Variants in PRKN observed in about 807,000 individuals in gnomAD.
PRKN encodes the protein E3 ubiquitin-protein ligase parkin.
A neutral mutation model predicts 59.5 loss-of-function variants in PRKN; 56 were observed. The observed-to-expected ratio is 0.94, with a 90% CI of 0.76 to 1.18. The LOEUF is 1.18. Ranked by LOEUF, PRKN falls within the 50% of genes most tolerant of loss-of-function variation. The pLI, the probability that PRKN is intolerant of heterozygous loss-of-function variation, is 0.00. For missense variants in PRKN, 657 were observed against 596.4 expected (o/e 1.10, Z -1.06); for synonymous variants, 250 against 222.1 (o/e 1.13, Z -1.12).
intron 7 of PRKN, among the ~76,000 whole-genome samples, chr6:161,679,671 A>ACCC (rs1434446086): frequency 9.3e-5 from 5 of 54,000 alleles, no homozygotes; most frequent in Non-Finnish European, 1.2e-4. Context: ...TTATAATAGA[A>ACCC]CCACCCCCCC....
intron 5 of PRKN, among the ~76,000 whole-genome samples, chr6:162,038,877 G>A (rs770722436): frequency 6.6e-5 from 10 of 152,148 alleles, no homozygotes; most frequent in South Asian, 6.2e-4. Flanking sequence ...CTTGCTGGCC[G>A]GGCGCGGTGG....
Position 161,862,590 on chromosome 6 carries a change from C to T in PRKN, c.735-76682G>A, listed in dbSNP as rs78979714. On this transcript the variant is annotated intron_variant, in intron 6 of 11. Transcript: ENST00000366898. Reference sequence around the variant, plus strand: ...CCCATGAGCTCCCCTACTGTGACCCCAGCCTGGAGTAACGGGGTAAAAAAA... The same window carrying T: ...CCCATGAGCTCCCCTACTGTGACCCTAGCCTGGAGTAACGGGGTAAAAAAA... Among the ~76,000 whole-genome samples, 807 of 152,200 alleles carry T rather than the reference C, an allele frequency of 5.3e-3. 11 individuals carry two copies. The highest frequency in any genetic ancestry group is 0.019 in the African/African-American group (780 of 41,540).
intron 6 of PRKN, among the ~76,000 whole-genome samples, chr6:161,871,673 A>G (rs1794347163): frequency 6.6e-6 from 1 of 152,166 alleles, no homozygotes; most frequent in Non-Finnish European, 1.5e-5. Context: ...TTAAAACATA[A>G]GTTGTACATG....
rs561695632 is a variant in PRKN, at chr6:161,511,614, T to A, written c.1083+37240A>T. 5.3e-5 allele frequency among the ~76,000 whole-genome samples: 8 copies of A among 152,298 alleles called. No individual in the cohort carries two copies. The South Asian group carries it at 1.7e-3, about 32-fold the overall frequency. ...TGACTGGACACGTTAGGAATTATGG[T>A]CATACTGTCACCATCTATTCAAGAA... On this transcript the variant is annotated intron_variant, in intron 9 of 11. Coordinates refer to ENST00000366898, the MANE Select transcript of PRKN (RefSeq NM_004562.3).
intron 5 of PRKN, among the ~76,000 whole-genome samples, chr6:162,021,572 A>G (rs1037582205): frequency 6.6e-6 from 1 of 151,780 alleles, no homozygotes; most frequent in African/African-American, 2.4e-5. Flanking sequence ...ACATGCTCAG[A>G]TAAGAAACAT....
rs1785054319 is a variant in PRKN, at chr6:161,363,298, A to G, written c.1168-3093T>C. Among the ~76,000 whole-genome samples the G allele has an allele frequency of 6.6e-6, 1 of 152,230 alleles. No individual in the cohort carries two copies. Among genetic ancestry groups the G allele is most frequent in the Admixed American group, 6.5e-5 (1 of 15,284 alleles). ...GTTTGTTATATTTAAATAAATAAAT[A>G]AAGGTGATGATAATGGAATAAGAGA... On this transcript the variant is annotated intron_variant, in intron 10 of 11. Transcript: ENST00000366898. This position sits in a 1 kb window ranked among gnomAD's most constrained non-coding sequence, Gnocchi z 4.1.
At chr6:161,975,846 T>C (rs1218401889) in intron 5 of PRKN, among the ~76,000 whole-genome samples, 1 of 152,150 alleles carries the variant, frequency 6.6e-6, no homozygotes, top group Non-Finnish European at 1.5e-5. Flanking sequence ...TCGCTTACCG[T>C]GTCTGAAAAT....
chr6:161,759,130 T>C lies in PRKN; in HGVS notation c.871+26642A>G, dbSNP rs191016998. On this transcript the variant is annotated intron_variant, in intron 7 of 11. Transcript: ENST00000366898. ...AGGCAGAGGTTGCAGTGAGCTGAGA[T>C]TGCACCACTGCATTCCAGCCTGGCG... 1.4e-3 allele frequency among the ~76,000 whole-genome samples: 206 copies of C among 151,784 alleles called. 1 individual carries two copies. The highest frequency in any genetic ancestry group is 4.8e-3 in the African/African-American group (199 of 41,350).
At chr6:162,441,748 C>A (rs2128166944) in intron 2 of PRKN, among the ~76,000 whole-genome samples, 1 of 152,232 alleles carries the variant, frequency 6.6e-6, no homozygotes, top group African/African-American at 2.4e-5. Context: ...AAGTGTTTGT[C>A]AAAATAGACT....
At chr6:162,207,112 C>G (rs1038729657) in intron 3 of PRKN, among the ~76,000 whole-genome samples, 1 of 152,098 alleles carries the variant, frequency 6.6e-6, no homozygotes, top group Non-Finnish European at 1.5e-5. Flanking sequence ...GTGACTCAAG[C>G]CTGTAATCCC....
At chr6:162,526,396 A>C (rs1459012233) in intron 1 of PRKN, among the ~76,000 whole-genome samples, 2 of 151,756 alleles carry the variant, frequency 1.3e-5, no homozygotes, top group African/African-American at 4.8e-5. Flanking sequence ...TCACGCCTGT[A>C]ATCCCAGCAC....
chr6:162,250,689 T>G (rs964560736), intron 3 of PRKN, among the ~76,000 whole-genome samples: 13 of 152,226 alleles, frequency 8.5e-5, no homozygotes, highest in African/African-American at 3.1e-4. Context: ...TGCAAAATGG[T>G]GAATATCTAA....
chr6:162,442,938 A>G (rs1199590893), intron 2 of PRKN, among the ~76,000 whole-genome samples: 2 of 152,124 alleles, frequency 1.3e-5, no homozygotes, highest in Non-Finnish European at 2.9e-5. Flanking sequence ...GAGCAGCCTG[A>G]TTGGGAACAA....
chr6:162,530,112 A>T (rs140123356), intron 1 of PRKN, among the ~76,000 whole-genome samples: 12,176 of 151,194 alleles, frequency 0.081, 522 homozygotes, highest in South Asian at 0.17. Context: ...CCTGGGCAAC[A>T]AGAGCGAAAC....
At chr6:161,869,107 G>A (rs554866367) in intron 6 of PRKN, among the ~76,000 whole-genome samples, 4 of 152,144 alleles carry the variant, frequency 2.6e-5, no homozygotes, top group African/African-American at 7.2e-5. Flanking sequence ...AGCTGGGCGC[G>A]ATGGCTTATG....
At chr6:161,680,697 T>C (rs1785284087) in intron 7 of PRKN, among the ~76,000 whole-genome samples, 1 of 137,876 alleles carries the variant, frequency 7.3e-6, no homozygotes, top group Non-Finnish European at 1.5e-5. Context: ...TGGCCAACAA[T>C]GCTTGGGCTC....
intron 2 of PRKN, among the ~76,000 whole-genome samples, chr6:162,314,712 C>T (rs775281860): frequency 1.3e-5 from 2 of 152,150 alleles, no homozygotes; most frequent in African/African-American, 4.8e-5. Context: ...ATCAACCCAA[C>T]GAACAGTTCA....
Position 161,935,569 on chromosome 6 carries a change from A to AAAGAAG in PRKN, c.734+37727_734+37732dup, listed in dbSNP as rs1156472729. Reference sequence around the variant, plus strand: ...ACCTTGTTTCCAAAAAAAAAAAAAAAAAGAAGAAGAAGAAGAAGGATAAGA... The same window carrying AAAGAAG: ...ACCTTGTTTCCAAAAAAAAAAAAAAAAAGAAGAAGAAGAAGAAGAAGAAGGATAAGA... On this transcript the variant is annotated intron_variant, in intron 6 of 11. Transcript: ENST00000366898. 4.0e-5 allele frequency among the ~76,000 whole-genome samples: 6 copies of AAAGAAG among 151,386 alleles called. No homozygotes were observed. The East Asian group carries it at 9.7e-4, about 24-fold the overall frequency.
intron 4 of PRKN, among the ~76,000 whole-genome samples, chr6:162,070,585 T>A (rs2023063): frequency 0.38 from 57,153 of 152,030 alleles, 11,669 homozygotes; most frequent in Admixed American, 0.48. Context: ...TGGCCCCCAA[T>A]CTTTTTAGTT....
Sources: gnomAD v4.1 joint callset for allele counts (sites outside exome capture counted in the v4.1 genomes callset) on GRCh38, gnomAD v4.1.1 for gene constraint, Gnocchi (gnomAD v3.1) non-coding constraint, MANE v1.5 for transcripts, NCBI Gene and HGNC (gene_info 2026-07-23, HGNC 2026-07-21) for gene names.